The following ZFHX3 variants were observed in gnomAD, a reference collection of about 807,000 sequenced individuals.
The protein encoded by ZFHX3 is zinc finger homeobox 3.
ZFHX3 carries 42 observed loss-of-function variants against 279.1 expected under a neutral mutation model. The ratio of observed to expected loss-of-function variants is 0.15; its 90% CI spans 0.12 to 0.19. ZFHX3 has a LOEUF of 0.19. Among genes scored for constraint, ZFHX3 ranks in the 10% least tolerant of loss-of-function variants. The pLI is 1.00. For synonymous variants in ZFHX3, 2,293 were observed against 1,957.8 expected, an observed-to-expected ratio of 1.17 and a Z score of -4.52; for missense variants, 4,981 against 4,754.0, an observed-to-expected ratio of 1.05 and a Z score of -1.40.
At position 72,798,659 on chromosome 16, in the gene ZFHX3, G is replaced by A. The variant is rs565993139; in HGVS notation, c.4023C>T (p.Ser1341=). ...NILPSASTEQ[S]GDLKPSPADP... The stretch of plus-strand genomic sequence containing the variant: ...CAGCAGGGGATGGTTTCAAATCTCC[G>A]CTTTGCTCTGTGCTTGCGGATGGCA... The change falls in exon 9 of 10, where the codon AGC becomes AGT. Residue 1341 remains serine, a synonymous_variant. Coordinates refer to ENST00000268489, the MANE Select transcript of ZFHX3 (RefSeq NM_006885.4). The A allele has an allele frequency of 3.4e-5, 55 of 1,611,628 alleles. No individual in the cohort carries two copies. The South Asian group carries it at 4.4e-4, about 13-fold the overall frequency.
rs544434291 is a variant in ZFHX3, at chr16:72,810,809, C to T, written c.3864+768G>A. 3.4e-4 allele frequency among the ~76,000 whole-genome samples: 52 copies of T among 152,298 alleles called. 2 individuals carry two copies. Among genetic ancestry groups the T allele is most frequent in the Admixed American group, 3.1e-3 (47 of 15,286 alleles). On this transcript the variant is annotated intron_variant, in intron 7 of 9. Transcript: ENST00000268489. ...TCTCAACTCTGCTCCTTACAAATGG[C>T]ATCAAGTCAGTTAACATCTTTGAGC...
At chr16:73,040,480 G>C (rs1004330429) in intron 1 of ZFHX3, among the ~76,000 whole-genome samples, 4 of 152,098 alleles carry the variant, frequency 2.6e-5, no homozygotes, top group African/African-American at 9.7e-5. Context: ...GCCGGGGAAG[G>C]CCTCTCTAGG....
chr16:73,657,749 G>A (rs572606392), intron 2 of ZFHX3, among the ~76,000 whole-genome samples: 15 of 152,196 alleles, frequency 9.9e-5, no homozygotes, highest in Admixed American at 2.0e-4. Flanking sequence ...ATAAGGTTTC[G>A]AGATTCATCC....
At chr16:73,716,649 AC>A (rs375535598) in intron 1 of ZFHX3, among the ~76,000 whole-genome samples, 2,264 of 52,314 alleles carry the variant, frequency 0.043, 35 homozygotes, top group Middle Eastern at 0.15. Flanking sequence ...ACACACACAC[AC>A]GCATGCACGC....
intron 5 of ZFHX3, among the ~76,000 whole-genome samples, chr16:73,225,636 T>C (rs2012569434): frequency 6.6e-6 from 1 of 152,076 alleles, no homozygotes; most frequent in South Asian, 2.1e-4. Context: ...TTTGAATAAA[T>C]GTCTAGAGGG....
chr16:72,881,347 A>C (rs1356154924), intron 4 of ZFHX3, among the ~76,000 whole-genome samples: 3 of 152,112 alleles, frequency 2.0e-5, no homozygotes. Flanking sequence ...CAGCACTTAG[A>C]CTGAGGCCAC....
intron 5 of ZFHX3, among the ~76,000 whole-genome samples, chr16:72,817,622 T>C (rs1304776557): frequency 6.6e-6 from 1 of 152,214 alleles, no homozygotes. Flanking sequence ...CAGACCATTC[T>C]CCCTCTGGCC....
intron 5 of ZFHX3, among the ~76,000 whole-genome samples, chr16:73,190,332 A>G (rs1331546188): frequency 6.6e-6 from 1 of 152,218 alleles, no homozygotes; most frequent in African/African-American, 2.4e-5. Context: ...GATGCAAGGA[A>G]ACAATTATAG....
chr16:73,607,402 C>T (rs1162135283), intron 2 of ZFHX3, among the ~76,000 whole-genome samples: 2 of 152,168 alleles, frequency 1.3e-5, no homozygotes, highest in Non-Finnish European at 2.9e-5. Context: ...AGTCTATCAT[C>T]ACTGGGTATA....
chr16:73,313,280 C>CT (rs1386755927), intron 4 of ZFHX3, among the ~76,000 whole-genome samples: 1 of 152,250 alleles, frequency 6.6e-6, no homozygotes, highest in Admixed American at 6.5e-5. Context: ...TCAATTAAAC[C>CT]TTTTTTTCCT....
intron 3 of ZFHX3, among the ~76,000 whole-genome samples, chr16:73,433,771 C>G (rs374519073): frequency 2.0e-5 from 3 of 152,162 alleles, no homozygotes; most frequent in Non-Finnish European, 4.4e-5. Context: ...GAGCCTGCAG[C>G]GGCAGACAGA....
intron 2 of ZFHX3, among the ~76,000 whole-genome samples, chr16:73,558,709 C>CTTTTTT (rs989644068): frequency 1.1e-5 from 1 of 90,478 alleles, no homozygotes; most frequent in Non-Finnish European, 2.1e-5. Context: ...GAAAATGACT[C>CTTTTTT]TTTTTTTTTT....
chr16:72,795,122 G>A lies in ZFHX3; in HGVS notation c.7560C>T (p.Leu2520=), dbSNP rs773961958. 8 of 1,613,852 alleles carry A rather than the reference G, an allele frequency of 5.0e-6. No homozygotes were observed. The highest frequency in any genetic ancestry group is 2.7e-5 in the African/African-American group (2 of 74,864). ...KPLHTSTPQQ[L]ANLPPQLIPY... ...GGATTAGCTGAGGAGGTAGGTTTGCGAGCTGTTGAGGAGTTGATGTGTGGA... is the reference window on the plus strand; with the variant it reads ...GGATTAGCTGAGGAGGTAGGTTTGCAAGCTGTTGAGGAGTTGATGTGTGGA... The change falls in exon 9 of 10, where the codon CTC becomes CTT. Residue 2520 remains leucine, a synonymous_variant. Coordinates refer to ENST00000268489, the MANE Select transcript of ZFHX3 (RefSeq NM_006885.4).
intron 1 of ZFHX3, among the ~76,000 whole-genome samples, chr16:73,862,772 G>A (rs1254571823): frequency 1.3e-5 from 2 of 152,084 alleles, no homozygotes; most frequent in Admixed American, 6.6e-5. Context: ...GTGAGACCCT[G>A]TACAATCAAT....
At chr16:73,563,965 T>C (rs1264597962) in intron 2 of ZFHX3, among the ~76,000 whole-genome samples, 1 of 152,212 alleles carries the variant, frequency 6.6e-6, no homozygotes, top group African/African-American at 2.4e-5. Context: ...TTCTTTAAAA[T>C]TTCTTCATAA....
intron 7 of ZFHX3, among the ~76,000 whole-genome samples, chr16:73,115,850 G>C (rs577347545): frequency 6.6e-6 from 1 of 152,266 alleles, no homozygotes; most frequent in East Asian, 1.9e-4. Flanking sequence ...CAGGTACAGT[G>C]GCTCATGCCT....
intron 2 of ZFHX3, among the ~76,000 whole-genome samples, chr16:73,649,325 T>A (rs2052649544): frequency 6.6e-6 from 1 of 152,186 alleles, no homozygotes; most frequent in African/African-American, 2.4e-5. Flanking sequence ...TTGGTCTCAA[T>A]CTCTATTGTT....
At chr16:72,843,473 TG>T (rs1431908480) in intron 4 of ZFHX3, among the ~76,000 whole-genome samples, 1 of 134,190 alleles carries the variant, frequency 7.5e-6, no homozygotes, top group African/African-American at 2.9e-5. Flanking sequence ...ATCCCGCCAC[TG>T]CACTCCATCC....
chr16:73,074,590 A>G (rs1018455356), intron 8 of ZFHX3, among the ~76,000 whole-genome samples: 1 of 151,844 alleles, frequency 6.6e-6, no homozygotes, highest in East Asian at 1.9e-4. Flanking sequence ...GATAATGACA[A>G]TGATGACGAC....
Sources: allele counts gnomAD v4.1 joint callset (sites outside exome capture counted in the v4.1 genomes callset), GRCh38; gene constraint gnomAD v4.1.1; transcripts MANE v1.5; gene names NCBI Gene and HGNC (gene_info 2026-07-23, HGNC 2026-07-21).